Variants in SLC39A8 observed in about 807,000 individuals in gnomAD.
The protein encoded by SLC39A8 is solute carrier family 39 member 8.
SLC39A8 carries 15 observed loss-of-function variants against 40.4 expected under a neutral mutation model. The observed-to-expected ratio is 0.37, with a 90% CI of 0.25 to 0.57. SLC39A8 has a LOEUF of 0.57. SLC39A8 is among the 20% of genes least tolerant of loss of function. The pLI is 0.75. For synonymous variants in SLC39A8, 223 were observed against 221.6 expected (o/e 1.01, Z -0.06); for missense variants, 472 against 558.8 (o/e 0.84, Z 1.57).
chr4:102,299,941 T>G (rs1733844787), intron 6 of SLC39A8, among the ~76,000 whole-genome samples: 2 of 151,986 alleles, frequency 1.3e-5, no homozygotes, highest in African/African-American at 4.8e-5. Context: ...GCTGCAGAGA[T>G]AGTGAAATGA....
intron 6 of SLC39A8, among the ~76,000 whole-genome samples, chr4:102,294,022 G>A (rs1170962544): frequency 6.6e-6 from 1 of 151,528 alleles, no homozygotes; most frequent in Non-Finnish European, 1.5e-5. Context: ...AGCAAAAGAA[G>A]CGAGGATAAC....
chr4:102,262,211 C>T lies in SLC39A8; in HGVS notation c.*833G>A. 1 of 985,900 alleles carries T rather than the reference C, an allele frequency of 1.0e-6. No individual in the cohort carries two copies. Among genetic ancestry groups the T allele is most frequent in the Non-Finnish European group, 1.2e-6 (1 of 829,902 alleles). The allele number at this position is 985,900 out of a possible 1,614,324, so 61.1% of individuals were successfully genotyped here. On this transcript the variant is annotated 3_prime_UTR_variant, in exon 9 of 9. Coordinates refer to ENST00000356736, the MANE Select transcript of SLC39A8 (RefSeq NM_001135146.2). ...GCATAAAATTACATCCAATTTCTTT[C>T]TCTAAACCAACATATTCTTCACCTT...
intron 2 of SLC39A8, among the ~76,000 whole-genome samples, chr4:102,318,841 C>T (rs976531358): frequency 6.6e-6 from 1 of 152,228 alleles, no homozygotes; most frequent in Non-Finnish European, 1.5e-5. Context: ...ACATTTATGA[C>T]AGCTTTACTT....
At chr4:102,256,835 G>T (rs912380036), downstream of SLC39A8, among the ~76,000 whole-genome samples, 1 of 152,166 alleles carries the variant, frequency 6.6e-6, no homozygotes, top group South Asian at 2.1e-4. Context: ...GGTGAGGCAG[G>T]TCCATTAATT....
intron 8 of SLC39A8, 110 bp downstream of exon 8, chr4:102,267,380 A>C: frequency 1.1e-6 from 1 of 908,724 alleles, no homozygotes; most frequent in Non-Finnish European, 1.6e-6. Context: ...TTACAACAGA[A>C]AGGCCTTCCA....
At chr4:102,310,830 T>A (rs968361209) in intron 3 of SLC39A8, among the ~76,000 whole-genome samples, 3 of 152,108 alleles carry the variant, frequency 2.0e-5, no homozygotes, top group Non-Finnish European at 4.4e-5. Context: ...TCCTTATAAG[T>A]GAACCCTGAA....
At chr4:102,253,151 T>C (rs1258041426) in exon 12 of SLC39A8, 43 of 241,806 alleles carry the variant, frequency 1.8e-4, no homozygotes, top group Non-Finnish European at 2.9e-4. Context: ...CTCAAACATG[T>C]CGTTTTTCGG....
At chr4:102,278,809 A>G (rs1732741684) in intron 6 of SLC39A8, among the ~76,000 whole-genome samples, 1 of 152,238 alleles carries the variant, frequency 6.6e-6, no homozygotes, top group East Asian at 1.9e-4. Flanking sequence ...CTATGCAGAC[A>G]TAAAAAAGGA....
intron 2 of SLC39A8, among the ~76,000 whole-genome samples, chr4:102,320,203 G>A (rs866985897): frequency 6.7e-4 from 82 of 121,754 alleles, no homozygotes; most frequent in Admixed American, 1.8e-3. Flanking sequence ...ATATATATAT[G>A]TATATATATA....
chr4:102,288,117 AC>A (rs1341721385), intron 6 of SLC39A8, among the ~76,000 whole-genome samples: 1 of 152,050 alleles, frequency 6.6e-6, no homozygotes, highest in Non-Finnish European at 1.5e-5. Flanking sequence ...GTTTGTTGCA[AC>A]CCTGCATTGA....
rs750459288 is a variant in SLC39A8 at position 102,307,612 on chromosome 4, G to T, written c.383-7C>A. ...AGGAATCCATATCCCCAAACTGTGG[G>T]TCAGAGGGAAAAGAGAGTAGAAATT... On this transcript the variant is annotated splice_region_variant and splice_polypyrimidine_tract_variant and intron_variant, in intron 3 of 8. Coordinates refer to ENST00000356736, the MANE Select transcript of SLC39A8 (RefSeq NM_001135146.2). 1.9e-6 allele frequency: 3 copies of T among 1,610,942 alleles called. No individual in the cohort carries two copies. In the Admixed American group the frequency reaches 5.0e-5, roughly 27 times the overall value.
intron 3 of SLC39A8, among the ~76,000 whole-genome samples, chr4:102,307,932 C>T (rs1734262362): frequency 6.6e-6 from 1 of 151,100 alleles, no homozygotes; most frequent in Non-Finnish European, 1.5e-5. Context: ...TCCAAGCCAC[C>T]TAGTTTCATC....
chr4:102,303,424 A>C (rs1352814979), intron 6 of SLC39A8, among the ~76,000 whole-genome samples: 1 of 151,930 alleles, frequency 6.6e-6, no homozygotes, highest in Non-Finnish European at 1.5e-5. Context: ...GACACTTGCC[A>C]GAGATTTTGG....
At chr4:102,278,346 T>G (rs771739399) in intron 6 of SLC39A8, among the ~76,000 whole-genome samples, 16 of 152,176 alleles carry the variant, frequency 1.1e-4, no homozygotes, top group Non-Finnish European at 1.8e-4. Flanking sequence ...CAGACACTTT[T>G]CAAAAGAAGA....
rs565395686 is a variant in SLC39A8, at chr4:102,342,267, G to A, written c.219+2177C>T. Reference sequence around the variant, plus strand: ...TGTAATCCCAGCACTTTGGGAGACCGAGGCCGGCGGATCACCTGAGGTCGG... The same window carrying A: ...TGTAATCCCAGCACTTTGGGAGACCAAGGCCGGCGGATCACCTGAGGTCGG... On this transcript the variant is annotated intron_variant, in intron 2 of 8. Coordinates refer to ENST00000356736, the MANE Select transcript of SLC39A8 (RefSeq NM_001135146.2). 1.9e-3 allele frequency among the ~76,000 whole-genome samples: 286 copies of A among 152,292 alleles called. 3 individuals are homozygous for A. Among genetic ancestry groups the A allele is most frequent in the African/African-American group, 6.5e-3 (269 of 41,568 alleles).
At chr4:102,297,623 T>A (rs1733734633) in intron 6 of SLC39A8, among the ~76,000 whole-genome samples, 1 of 151,870 alleles carries the variant, frequency 6.6e-6, no homozygotes, top group Admixed American at 6.6e-5. Flanking sequence ...TCAGGAAAGA[T>A]AAATGAAAAC....
At chr4:102,318,870 A>T (rs1325031179) in intron 2 of SLC39A8, among the ~76,000 whole-genome samples, 2 of 152,144 alleles carry the variant, frequency 1.3e-5, no homozygotes. Flanking sequence ...GCTTGTATCT[A>T]TGACACTGCT....
chr4:102,294,622 C>T (rs1319989565), intron 6 of SLC39A8, among the ~76,000 whole-genome samples: 1 of 151,956 alleles, frequency 6.6e-6, no homozygotes, highest in African/African-American at 2.4e-5. Context: ...CCTGTCTTTA[C>T]TTTATTTAGA....
chr4:102,340,065 T>A (rs927043969), intron 2 of SLC39A8, among the ~76,000 whole-genome samples: 1 of 152,186 alleles, frequency 6.6e-6, no homozygotes, highest in Non-Finnish European at 1.5e-5. Context: ...TATAATTATA[T>A]GTGCATATGT....
Sources: gnomAD v4.1 joint callset for allele counts (sites outside exome capture counted in the v4.1 genomes callset) on GRCh38, gnomAD v4.1.1 for gene constraint, MANE v1.5 for transcripts, NCBI Gene and HGNC (gene_info 2026-07-23, HGNC 2026-07-21) for gene names.